Variants in RRBP1 observed in about 807,000 individuals in gnomAD.
RRBP1 encodes ribosome binding protein 1.
A neutral mutation model predicts 165.2 loss-of-function variants in RRBP1; 94 were observed. The observed-to-expected ratio is 0.57, with a 90% CI of 0.48 to 0.68. RRBP1 has a LOEUF of 0.68. Among genes scored for constraint, RRBP1 ranks in the 30% least tolerant of loss-of-function variants. The probability of loss-of-function intolerance (pLI) is 0.00; values close to 1 mark genes in which losing one functional copy is unlikely to be tolerated. For synonymous variants in RRBP1, 680 were observed against 714.5 expected (o/e 0.95, Z 0.77); for missense variants, 1,676 against 1,763.0 (o/e 0.95, Z 0.88).
intron 2 of RRBP1, among the ~76,000 whole-genome samples, chr20:17,678,560 A>G (rs898981070): frequency 2.6e-5 from 4 of 152,196 alleles, no homozygotes; most frequent in African/African-American, 9.7e-5. Context: ...GTGGTTCAAC[A>G]TATTACCACA....
At chr20:17,678,922 A>C (rs2037129610) in intron 2 of RRBP1, among the ~76,000 whole-genome samples, 1 of 152,232 alleles carries the variant, frequency 6.6e-6, no homozygotes, top group South Asian at 2.1e-4. Context: ...CAGCACTGCC[A>C]GATTTTCAAA....
intron 13 of RRBP1, among the ~76,000 whole-genome samples, chr20:17,622,488 G>C (rs1675418940): frequency 6.6e-6 from 1 of 152,002 alleles, no homozygotes; most frequent in Non-Finnish European, 1.5e-5. Context: ...AACCCAGAGA[G>C]GCTCATCTCC....
chr20:17,620,535 T>C (rs898557565), intron 17 of RRBP1, 165 bp from the exon 18 acceptor site: 1 of 818,452 alleles, frequency 1.2e-6, no homozygotes, highest in South Asian at 1.4e-5. Flanking sequence ...AGTGTCTTCC[T>C]AGGCGGGGGC....
chr20:17,670,378 C>G (rs2036952870), intron 2 of RRBP1, among the ~76,000 whole-genome samples: 1 of 148,384 alleles, frequency 6.7e-6, no homozygotes, highest in Non-Finnish European at 1.5e-5. Flanking sequence ...TGGCTGGCAT[C>G]AAAATGAGTA....
intron 8 of RRBP1, among the ~76,000 whole-genome samples, chr20:17,631,231 AACACCCTC>A: frequency 6.6e-6 from 1 of 152,366 alleles, no homozygotes; most frequent in East Asian, 1.9e-4. Flanking sequence ...CACCGGCTCC[AACACCCTC>A]ACACCTCTGC....
chr20:17,669,780 A>G (rs988701080), intron 2 of RRBP1, among the ~76,000 whole-genome samples: 1 of 152,160 alleles, frequency 6.6e-6, no homozygotes, highest in East Asian at 1.9e-4. Flanking sequence ...AACGTAACTG[A>G]TTCCAGCAGG....
chr20:17,625,876 A>G (rs952757605), intron 11 of RRBP1, among the ~76,000 whole-genome samples: 1 of 152,008 alleles, frequency 6.6e-6, no homozygotes, highest in Non-Finnish European at 1.5e-5. Flanking sequence ...GGTTTCCAGG[A>G]GAGGTGGAAT....
chr20:17,641,966 G>A, intron 4 of RRBP1, 47 bp from the exon 5 acceptor site: 4 of 1,589,040 alleles, frequency 2.5e-6, no homozygotes, highest in Non-Finnish European at 3.4e-6. Flanking sequence ...AATGGGACTT[G>A]GCTCATCCCC....
chr20:17,631,164 G>A (rs770898898), intron 8 of RRBP1, among the ~76,000 whole-genome samples: 4 of 152,242 alleles, frequency 2.6e-5, no homozygotes, highest in Non-Finnish European at 5.9e-5. Flanking sequence ...GCTGCTCCCA[G>A]AAAGCACACC....
rs1027526952 is a variant in RRBP1 at position 17,641,937 on chromosome 20, T to C, written c.2062-18A>G. 25 of 1,608,718 alleles carry C rather than the reference T, an allele frequency of 1.6e-5. No homozygotes were observed. In the Admixed American group the frequency reaches 2.8e-4, roughly 18 times the overall value. On this transcript the variant is annotated intron_variant, in intron 4 of 24. Transcript: ENST00000377813. ...TGAGTGGCCTAGAAATACCCAGAGA[T>C]GCGTTAACAGAGGGGACAAATGGGA...
chr20:17,621,340 G>T, intron 16 of RRBP1, 118 bp downstream of exon 16: 1 of 700,172 alleles, frequency 1.4e-6, no homozygotes, highest in Non-Finnish European at 2.5e-6. Flanking sequence ...GGGGCCCAGA[G>T]TCACAAGGCC....
At chr20:17,624,531 A>AGTGCACTTTCCATGGTGGGGG in intron 13 of RRBP1, 45 bp downstream of exon 13, 1 of 1,251,722 alleles carries the variant, frequency 8.0e-7, no homozygotes, top group Non-Finnish European at 1.2e-6. Flanking sequence ...TGTGCATCCT[A>AGTGCACTTTCCATGGTGGGGG]GTGCACTTTC....
chr20:17,658,497 A>G, intron 3 of RRBP1, 99 bp downstream of exon 3: 1 of 1,040,326 alleles, frequency 9.6e-7, no homozygotes, highest in Non-Finnish European at 1.4e-6. Context: ...CCTTATTATG[A>G]CAATAGCTGA....
rs2017952672 is a variant in RRBP1, at chr20:17,636,549, C to T, written c.2337+28G>A. 3 of 1,605,108 alleles carry T rather than the reference C, an allele frequency of 1.9e-6. No individual in the cohort carries two copies. The African/African-American group carries it at 4.0e-5, about 21-fold the overall frequency. On this transcript the variant is annotated intron_variant, in intron 6 of 24. Coordinates refer to ENST00000377813, the MANE Select transcript of RRBP1 (RefSeq NM_001365613.2). ...GACCTGGACTGGGTCCTGTCCCTTCCCATGCCCCCGCCAGCCACTACACCC... is the reference window on the plus strand; with the variant it reads ...GACCTGGACTGGGTCCTGTCCCTTCTCATGCCCCCGCCAGCCACTACACCC...
At position 17,659,867 on chromosome 20, in the gene RRBP1, C is replaced by T. The variant is rs774011751; in HGVS notation, c.641G>A (p.Gly214Glu). 1 of 1,551,876 alleles carries T rather than the reference C, an allele frequency of 6.4e-7. No individual in the cohort carries two copies. The highest frequency in any genetic ancestry group is 2.4e-5 in the East Asian group (1 of 40,924). The change falls in exon 3 of 25, where the codon GGA (glycine) becomes GAA (glutamate). Residue 214 changes from glycine (G) to glutamate (E), a missense_variant. Gly to Glu is a moderately conservative substitution (Grantham distance 98, BLOSUM62 -2). Around this residue, in one of 5 missense-constraint regions of RRBP1, gnomAD observed 392 missense variants for 382.5 expected, o/e 1.02. Transcript: ENST00000377813. ...GTQNQSKKAE[G>E]APNQGRKAEG... ...TGCCTTTCTGCCCTGGTTTGGGGCT[C>T]CTTCAGCCTTTTTGCTTTGATTCTG...
intron 2 of RRBP1, among the ~76,000 whole-genome samples, chr20:17,672,418 G>A (rs1036314182): frequency 6.6e-6 from 1 of 152,182 alleles, no homozygotes; most frequent in South Asian, 2.1e-4. Context: ...AATTCTGCCA[G>A]CCTAACATCC....
At chr20:17,640,235 G>A (rs779483584) in intron 5 of RRBP1, among the ~76,000 whole-genome samples, 2 of 152,166 alleles carry the variant, frequency 1.3e-5, no homozygotes, top group Non-Finnish European at 2.9e-5. Context: ...GTGCAGAACA[G>A]GAACATGGGA....
chr20:17,621,587 A>C, intron 15 of RRBP1, 40 bp from the exon 16 acceptor site: 2 of 1,596,076 alleles, frequency 1.3e-6, no homozygotes, highest in Non-Finnish European at 1.7e-6. Context: ...AGCCACACAC[A>C]AAGGTTCTTC....
intron 5 of RRBP1, among the ~76,000 whole-genome samples, chr20:17,638,054 A>G (rs1156446208): frequency 1.3e-5 from 2 of 152,148 alleles, no homozygotes; most frequent in African/African-American, 4.8e-5. Context: ...GGTTCCCAGA[A>G]AGGGGAGGAA....
Sources: gnomAD v4.1 joint callset for allele counts (sites outside exome capture counted in the v4.1 genomes callset) on GRCh38, gnomAD v4.1.1 for gene constraint, gnomAD v4.1.1 regional missense constraint, MANE v1.5 for transcripts, NCBI Gene and HGNC (gene_info 2026-07-23, HGNC 2026-07-21) for gene names.